The following UCK1 variants were observed in gnomAD, a reference collection of about 807,000 sequenced individuals.
The protein encoded by UCK1 is uridine-cytidine kinase 1.
A neutral mutation model predicts 34.0 loss-of-function variants in UCK1; 20 were observed. The ratio of observed to expected loss-of-function variants is 0.59; its 90% CI spans 0.41 to 0.86. UCK1 has a LOEUF of 0.86. UCK1 is among the 40% of genes least tolerant of loss of function. UCK1 has a pLI of 0.00. For missense variants in UCK1, 343 were observed against 383.6 expected, an observed-to-expected ratio of 0.89 and a Z score of 0.88; for synonymous variants, 168 against 155.9, an observed-to-expected ratio of 1.08 and a Z score of -0.58.
At chr9:131,529,899 C>A (rs1465142443) in intron 2 of UCK1, among the ~76,000 whole-genome samples, 2 of 152,244 alleles carry the variant, frequency 1.3e-5, no homozygotes, top group Non-Finnish European at 2.9e-5. Flanking sequence ...CTCTGCTTCT[C>A]TCTCTTTCTG....
At chr9:131,525,999 G>A in intron 5 of UCK1, 22 bp from the exon 6 acceptor site, 1 of 1,613,558 alleles carries the variant, frequency 6.2e-7, no homozygotes, top group Non-Finnish European at 8.5e-7. Flanking sequence ...AAGGGGGGGT[G>A]TTCCTGTGAG....
intron 3 of UCK1, 100 bp from the exon 4 acceptor site, chr9:131,529,370 G>A (rs2131987852): frequency 1.2e-6 from 2 of 1,600,390 alleles, no homozygotes; most frequent in East Asian, 2.2e-5. Context: ...TGTGGGAAGG[G>A]GTGGGGGACC....
rs1018041322 is a variant in UCK1, at chr9:131,531,198, G to A, written c.-24C>T. The A allele has an allele frequency of 6.5e-6, 9 of 1,378,866 alleles. No individual in the cohort carries two copies. Among genetic ancestry groups the A allele is most frequent in the Middle Eastern group, 2.6e-4 (1 of 3,822 alleles). 85.4% of individuals were successfully genotyped at this position (1,378,866 alleles called of 1,614,324 possible). Reference sequence around the variant, plus strand: ...ATCTCGGCCTCCGCTCCCGCGCATCGGGTCCCCGCGCCCGCCCCTTCCCCA... The same window carrying A: ...ATCTCGGCCTCCGCTCCCGCGCATCAGGTCCCCGCGCCCGCCCCTTCCCCA... On this transcript the variant is annotated 5_prime_UTR_variant, in exon 1 of 7. Transcript: ENST00000372215.
intron 2 of UCK1, among the ~76,000 whole-genome samples, chr9:131,529,837 G>A (rs1338522425): frequency 2.6e-5 from 4 of 152,196 alleles, no homozygotes; most frequent in South Asian, 2.1e-4. Context: ...CTGAGATGCC[G>A]GAACACAGGG....
intron 5 of UCK1, chr9:131,526,406 G>A (rs1950605977): frequency 1.5e-6 from 2 of 1,292,504 alleles, no homozygotes; most frequent in Admixed American, 4.6e-5. Context: ...CCGCCGCCGT[G>A]CATAATTACT....
At chr9:131,526,898 AG>A (rs1564405624) in intron 5 of UCK1, among the ~76,000 whole-genome samples, 1 of 152,202 alleles carries the variant, frequency 6.6e-6, no homozygotes, top group Non-Finnish European at 1.5e-5. Flanking sequence ...GAGAGCTGAC[AG>A]GGGTCTTAAC....
chr9:131,529,308 A>T (rs776586584), intron 3 of UCK1, 38 bp from the exon 4 acceptor site: 2 of 1,612,720 alleles, frequency 1.2e-6, no homozygotes, highest in South Asian at 2.2e-5. Flanking sequence ...TGCTGCAGAC[A>T]CAGGGTCTCC....
chr9:131,529,625 C>T (rs774394840), intron 2 of UCK1, 41 bp from the exon 3 acceptor site: 29 of 1,592,304 alleles, frequency 1.8e-5, no homozygotes, highest in Non-Finnish European at 2.3e-5. Flanking sequence ...CAGATGCCCT[C>T]GTGCAGCGGA....
chr9:131,525,010 G>C lies in UCK1; in HGVS notation c.*30C>G, dbSNP rs746275098. 2 of 1,597,484 alleles carry C rather than the reference G, an allele frequency of 1.3e-6. No individual in the cohort carries two copies. Among genetic ancestry groups the C allele is most frequent in the Non-Finnish European group, 1.7e-6 (2 of 1,169,260 alleles). The stretch of plus-strand genomic sequence containing the variant: ...CAGTCCCTGAACACACATGCCGGGC[G>C]GGAGACCTGCCCTGAGGCTCGGCAG... On this transcript the variant is annotated 3_prime_UTR_variant, in exon 7 of 7. Coordinates refer to ENST00000372215, the MANE Select transcript of UCK1 (RefSeq NM_031432.5).
At chr9:131,525,279 C>T in intron 6 of UCK1, 58 bp from the exon 7 acceptor site, 1 of 1,606,474 alleles carries the variant, frequency 6.2e-7, no homozygotes, top group South Asian at 1.1e-5. Flanking sequence ...GTGGAGACCG[C>T]CCCTCCCCGC....
At position 131,529,540 on chromosome 9, in the gene UCK1, C is replaced by A; in HGVS notation, c.313G>T (p.Val105Leu). The A allele has an allele frequency of 6.2e-7, 1 of 1,614,206 alleles. No individual in the cohort carries two copies. Among genetic ancestry groups the A allele is most frequent in the East Asian group, 2.2e-5 (1 of 44,876 alleles). Residue 105 changes from valine (V) to leucine (L), a missense_variant, in exon 3 of 7, where the codon GTG becomes TTG. Physicochemically the swap from Val to Leu is conservative, Grantham distance 32 (BLOSUM62 1). Coordinates refer to ENST00000372215, the MANE Select transcript of UCK1 (RefSeq NM_031432.5). ...DLMHRTLKNIVEGKTVEVPTY... is the reference protein window; with the variant it reads ...DLMHRTLKNILEGKTVEVPTY... ...GGCACCTCCACCGTTTTGCCCTCCA[C>A]GATGTTCTTCAGAGTCCTGTGCATC...
At position 131,524,944 on chromosome 9, in the gene UCK1, G is replaced by C; in HGVS notation, c.*96C>G. 1 of 1,443,536 alleles carries C rather than the reference G, an allele frequency of 6.9e-7. No homozygotes were observed. The highest frequency in any genetic ancestry group is 9.3e-7 in the Non-Finnish European group (1 of 1,070,200). The allele number at this position is 1,443,536 out of a possible 1,614,324, so 89.4% of individuals were successfully genotyped here. ...CGCTGCTAACACTCCCCTGGGGTGC[G>C]CCGAGAGGAAGCAGTGGGTGTGGGT... On this transcript the variant is annotated 3_prime_UTR_variant, in exon 7 of 7. Transcript: ENST00000372215.
rs1214392380 is a variant in UCK1, at chr9:131,525,221, A to G, written c.653T>C (p.Val218Ala). The change falls in exon 7 of 7, where the codon GTT becomes GCT. Residue 218 changes from valine to alanine, a missense_variant and splice_region_variant. Physicochemically the swap from Val to Ala is moderately conservative, Grantham distance 64. Transcript: ENST00000372215. Reference sequence around the variant, plus strand: ...GTGCTGCACGATCAGGTTGATGGCAACTGCGCCAAGAGACAGACAAGCAGC... The same window carrying G: ...GTGCTGCACGATCAGGTTGATGGCAGCTGCGCCAAGAGACAGACAAGCAGC... ...VIIPRGVDNMVAINLIVQHIQ... is the reference protein window; with the variant it reads ...VIIPRGVDNMAAINLIVQHIQ... The G allele has an allele frequency of 5.0e-6, 8 of 1,613,648 alleles. No homozygotes were observed. Among genetic ancestry groups the G allele is most frequent in the South Asian group, 1.1e-5 (1 of 91,068 alleles).
At position 131,529,102 on chromosome 9, in the gene UCK1, G is replaced by C. The variant is rs146530021; in HGVS notation, c.508+26C>G. On this transcript the variant is annotated intron_variant, in intron 4 of 6. Transcript: ENST00000372215. ...ACCTGCCGCCAGCCTCGGCCAGGCA[G>C]GCACGGAGGCCCGCGGCCGCCTTAC... 5,987 of 1,613,384 alleles carry C rather than the reference G, an allele frequency of 3.7e-3. 192 individuals carry two copies. In the African/African-American group the frequency reaches 0.069, roughly 18 times the overall value.
intron 5 of UCK1, chr9:131,526,527 A>C (rs1183068709): frequency 9.3e-6 from 12 of 1,289,146 alleles, no homozygotes; most frequent in Non-Finnish European, 1.2e-5. Context: ...ACAAGGATGG[A>C]GATATATCAG....
Position 131,524,950 on chromosome 9 carries a change from A to G in UCK1, c.*90T>C. 1.4e-6 allele frequency: 2 copies of G among 1,479,780 alleles called. No homozygotes were observed. The highest frequency in any genetic ancestry group is 1.8e-6 in the Non-Finnish European group (2 of 1,098,064). 91.7% of individuals were successfully genotyped at this position (1,479,780 alleles called of 1,614,324 possible). A position where few individuals can be genotyped will look rare whatever the true frequency, so the allele number is the denominator to read the frequency against. On this transcript the variant is annotated 3_prime_UTR_variant, in exon 7 of 7. Transcript: ENST00000372215. ...TAACACTCCCCTGGGGTGCGCCGAG[A>G]GGAAGCAGTGGGTGTGGGTGGGCGT...
rs542092037 is a variant in UCK1, at chr9:131,526,403, C to G, written c.604-426G>C. ...GGCACAGCAACAGGACAGCCGCCGCCGTGCATAATTACTGCAGGCAGAGAC... is the reference window on the plus strand; with the variant it reads ...GGCACAGCAACAGGACAGCCGCCGCGGTGCATAATTACTGCAGGCAGAGAC... On this transcript the variant is annotated intron_variant, in intron 5 of 6. Coordinates refer to ENST00000372215, the MANE Select transcript of UCK1 (RefSeq NM_031432.5). 7.7e-6 allele frequency: 10 copies of G among 1,291,264 alleles called. No individual in the cohort carries two copies. In the African/African-American group the frequency reaches 1.4e-4, roughly 18 times the overall value. 80.0% of individuals were successfully genotyped at this position (1,291,264 alleles called of 1,614,324 possible). A position where few individuals can be genotyped will look rare whatever the true frequency, so the allele number is the denominator to read the frequency against.
chr9:131,530,525 C>G lies in UCK1; in HGVS notation c.229G>C (p.Ala77Pro). The G allele has an allele frequency of 6.2e-7, 1 of 1,614,248 alleles. No homozygotes were observed. Among genetic ancestry groups the G allele is most frequent in the Non-Finnish European group, 8.5e-7 (1 of 1,180,040 alleles). Residue 77 changes from alanine (A) to proline (P), a missense_variant, in exon 2 of 7, where the codon GCC becomes CCC. Physicochemically the swap from Ala to Pro is conservative, Grantham distance 27 (BLOSUM62 -1). Transcript: ENST00000372215. ...TTGTACTGTCCTTTCAAGGCCTTGG[C>G]CTTCTGCTCTGCCGTCAGGACCTTG... The part of the protein sequence containing the change: ...FYKVLTAEQK[A>P]KALKGQYNFD...
intron 6 of UCK1, among the ~76,000 whole-genome samples, chr9:131,525,667 G>A (rs1950573988): frequency 6.6e-6 from 1 of 152,150 alleles, no homozygotes. Flanking sequence ...GTAGAGATGG[G>A]GTTTTGCTAT....
Sources: gnomAD v4.1 joint callset for allele counts (sites outside exome capture counted in the v4.1 genomes callset) on GRCh38, gnomAD v4.1.1 for gene constraint, MANE v1.5 for transcripts, NCBI Gene and HGNC (gene_info 2026-07-23, HGNC 2026-07-21) for gene names.